KIAA2012: variants seen among roughly 807,000 people sequenced by gnomAD.
The protein encoded by KIAA2012 is KIAA2012.
KIAA2012 carries 125 observed loss-of-function variants against 150.6 expected under a neutral mutation model. The ratio of observed to expected loss-of-function variants is 0.83; its 90% confidence interval spans 0.72 to 0.96. The LOEUF is 0.96. Among genes scored for constraint, KIAA2012 ranks in the 40% least tolerant of loss-of-function variants. The pLI is 0.00. For missense variants in KIAA2012, 1,219 were observed against 1,354.9 expected, an observed-to-expected ratio of 0.90 and a Z score of 1.57; for synonymous variants, 462 against 504.7, an observed-to-expected ratio of 0.92 and a Z score of 1.13.
rs146921646 is a variant in KIAA2012 at position 202,138,483 on chromosome 2, C to T, written c.1883C>T (p.Pro628Leu). Residue 628 changes from proline (P) to leucine (L), a missense_variant, in exon 13 of 24, where the codon CCG becomes CTG. Pro to Leu is a moderately conservative substitution (Grantham distance 98, BLOSUM62 -3). Transcript: ENST00000498697. ...CACATGAACCTTTATGAAACCTCAC[C>T]GTTGACCCAAACAACAGAGAAGCAG... is the stretch of plus-strand genomic sequence containing the variant. ...NLHMNLYETS[P>L]LTQTTEKQGA... 940 of 1,550,240 alleles carry T rather than the reference C, an allele frequency of 6.1e-4. 4 individuals are homozygous for T. The African/African-American group carries it at 0.011, about 19-fold the overall frequency.
intron 15 of KIAA2012, among the ~76,000 whole-genome samples, chr2:202,166,678 A>AC (rs1345281886): frequency 3.3e-5 from 5 of 152,068 alleles, no homozygotes; most frequent in African/African-American, 1.2e-4. Flanking sequence ...AAAAACAAAA[A>AC]AAAAAAGGAT....
chr2:202,202,903 G>A, intron 23 of KIAA2012, among the ~76,000 whole-genome samples: 1 of 151,500 alleles, frequency 6.6e-6, no homozygotes. Context: ...CTGCAGCCTG[G>A]GTGACAGAGT....
At chr2:202,138,328 C>T (rs909048074) in intron 12 of KIAA2012, 104 bp from the exon 13 acceptor site, 4 of 802,840 alleles carry the variant, frequency 5.0e-6, no homozygotes, top group African/African-American at 3.8e-5. Context: ...TATAATCTTA[C>T]ATACATATGA....
chr2:202,184,665 A>T lies in KIAA2012; in HGVS notation c.2120-88A>T. On this transcript the variant is annotated intron_variant, in intron 15 of 23. Transcript: ENST00000498697. Reference sequence around the variant, plus strand: ...TGTTCTAATTTGCATGCCTTTGGCTACTCACCAGGTAGATGTTTTTCCATG... The same window carrying T: ...TGTTCTAATTTGCATGCCTTTGGCTTCTCACCAGGTAGATGTTTTTCCATG... 3.5e-6 allele frequency: 3 copies of T among 852,516 alleles called. No homozygotes were observed. In the South Asian group the frequency reaches 6.2e-5, roughly 18 times the overall value. The allele number at this position is 852,516 out of a possible 1,614,324, so 52.8% of individuals were successfully genotyped here.
intron 13 of KIAA2012, 61 bp downstream of exon 13, chr2:202,138,569 C>T: frequency 1.5e-6 from 2 of 1,320,100 alleles, no homozygotes; most frequent in Non-Finnish European, 2.1e-6. Flanking sequence ...GTTCTTGTTT[C>T]AGCTTGCTGT....
chr2:202,132,142 CT>C (rs1690946484), intron 12 of KIAA2012, among the ~76,000 whole-genome samples: 1 of 152,154 alleles, frequency 6.6e-6, no homozygotes, highest in Non-Finnish European at 1.5e-5. Flanking sequence ...TGCCATTGCA[CT>C]CCAGCCTGGG....
chr2:202,160,397 T>C (rs1355953091), intron 14 of KIAA2012, among the ~76,000 whole-genome samples: 1 of 145,740 alleles, frequency 6.9e-6, no homozygotes, highest in African/African-American at 2.5e-5. Flanking sequence ...CACTGCAAGC[T>C]CCACCTCCCG....
intron 11 of KIAA2012, among the ~76,000 whole-genome samples, chr2:202,123,749 C>G (rs1690710309): frequency 6.6e-6 from 1 of 152,178 alleles, no homozygotes; most frequent in Non-Finnish European, 1.5e-5. Context: ...TAGAAGATTT[C>G]TAAGTCTTTT....
chr2:202,198,327 A>C (rs1039081875), intron 22 of KIAA2012, among the ~76,000 whole-genome samples: 5 of 152,230 alleles, frequency 3.3e-5, no homozygotes. Context: ...AAAATATTCC[A>C]GCAAGTAAAC....
At chr2:202,198,909 C>A (rs1692462988) in intron 22 of KIAA2012, among the ~76,000 whole-genome samples, 1 of 152,196 alleles carries the variant, frequency 6.6e-6, no homozygotes, top group Admixed American at 6.5e-5. Flanking sequence ...CTTCTCTGGA[C>A]CTTCCTCAGC....
At chr2:202,133,109 A>AAAAATATATAT (rs766606713) in intron 12 of KIAA2012, among the ~76,000 whole-genome samples, 1 of 87,884 alleles carries the variant, frequency 1.1e-5, no homozygotes, top group African/African-American at 4.6e-5. Flanking sequence ...TCTAAAAAAA[A>AAAAATATATAT]ATATATATAT....
At chr2:202,149,085 A>G (rs1691366273) in intron 13 of KIAA2012, among the ~76,000 whole-genome samples, 1 of 152,138 alleles carries the variant, frequency 6.6e-6, no homozygotes, top group African/African-American at 2.4e-5. Flanking sequence ...TCCAGGATTT[A>G]GTTCCCCTAC....
chr2:202,166,248 A>G (rs1691759501), intron 15 of KIAA2012, among the ~76,000 whole-genome samples: 1 of 152,240 alleles, frequency 6.6e-6, no homozygotes, highest in East Asian at 1.9e-4. Flanking sequence ...ACAGAAAATT[A>G]AAGAAGGCAT....
chr2:202,186,836 C>T (rs1332961634), intron 16 of KIAA2012, 97 bp from the exon 17 acceptor site: 5 of 1,213,838 alleles, frequency 4.1e-6, no homozygotes, highest in Non-Finnish European at 5.7e-6. Flanking sequence ...GGCACAGTGC[C>T]TGCAGAGAAC....
chr2:202,077,302 A>T (rs1227813327), intron 2 of KIAA2012, among the ~76,000 whole-genome samples: 4 of 152,182 alleles, frequency 2.6e-5, no homozygotes, highest in Non-Finnish European at 4.4e-5. Flanking sequence ...TATATAGGCT[A>T]ACTCACTGCC....
At chr2:202,162,344 G>A (rs929726183) in intron 14 of KIAA2012, among the ~76,000 whole-genome samples, 37 of 151,842 alleles carry the variant, frequency 2.4e-4, no homozygotes, top group Non-Finnish European at 4.6e-4. Flanking sequence ...TTGCGATCTC[G>A]GCTCACTGCA....
At chr2:202,119,285 A>G (rs1690604043) in intron 11 of KIAA2012, among the ~76,000 whole-genome samples, 1 of 152,186 alleles carries the variant, frequency 6.6e-6, no homozygotes, top group Non-Finnish European at 1.5e-5. Context: ...AAAAAAAAAA[A>G]AGAATAATAG....
chr2:202,204,009 TC>T (rs1692585552), intron 23 of KIAA2012, among the ~76,000 whole-genome samples: 2 of 151,958 alleles, frequency 1.3e-5, no homozygotes, highest in Non-Finnish European at 2.9e-5. Flanking sequence ...GACCTTGTGA[TC>T]CGCCTACCTT....
intron 13 of KIAA2012, among the ~76,000 whole-genome samples, chr2:202,148,513 C>A (rs1405209140): frequency 6.6e-6 from 1 of 152,164 alleles, no homozygotes; most frequent in Non-Finnish European, 1.5e-5. Context: ...TTCACCAGCA[C>A]CAAATTCCCT....
Sources: allele counts gnomAD v4.1 joint callset (sites outside exome capture counted in the v4.1 genomes callset), GRCh38; gene constraint gnomAD v4.1.1; transcripts MANE v1.5; gene names NCBI Gene and HGNC (gene_info 2026-07-23, HGNC 2026-07-21).